STXBP5: variants seen among roughly 807,000 people sequenced by gnomAD.
STXBP5 encodes syntaxin-binding protein 5.
Under a neutral mutation model 152.4 loss-of-function variants are expected in STXBP5, and 50 were observed. The observed-to-expected ratio is 0.33, with a 90% CI of 0.26 to 0.42. The LOEUF (loss-of-function observed/expected upper bound fraction) is 0.42, where lower values mean the gene tolerates loss of function less well. Ranked by LOEUF, STXBP5 falls within the 10% of genes least tolerant of loss-of-function variation. The pLI is 1.00. For missense variants in STXBP5, 1,167 were observed against 1,388.6 expected (o/e 0.84, Z 2.54); for synonymous variants, 492 against 494.7 (o/e 0.99, Z 0.07).
rs1301419055 is a variant in STXBP5 at position 147,384,935 on chromosome 6, A to C, written c.*180A>C. 3.1e-6 allele frequency: 2 copies of C among 637,068 alleles called. No homozygotes were observed. The highest frequency in any genetic ancestry group is 5.6e-6 in the Non-Finnish European group (2 of 357,226). 39.5% of individuals were successfully genotyped at this position (637,068 alleles called of 1,614,324 possible). ...CTTTAACTGAGGAGTGTTCACACGC[A>C]CTCGAAATGGAGTATATGGTGTGTG... On this transcript the variant is annotated 3_prime_UTR_variant, in exon 28 of 28. Transcript: ENST00000321680.
intron 2 of STXBP5, among the ~76,000 whole-genome samples, chr6:147,233,789 T>C (rs1260913122): frequency 6.6e-6 from 1 of 151,254 alleles, no homozygotes; most frequent in East Asian, 1.9e-4. Flanking sequence ...TCTAGTTTCC[T>C]GCAGTTGTAT....
rs189746073 is a variant in STXBP5 at position 147,379,072 on chromosome 6, A to C, written c.3194-3706A>C. Among the ~76,000 whole-genome samples, 5 of 150,236 alleles carry C rather than the reference A, an allele frequency of 3.3e-5. No individual in the cohort carries two copies. In the East Asian group the frequency reaches 9.8e-4, roughly 30 times the overall value. On this transcript the variant is annotated intron_variant, in intron 26 of 27. Coordinates refer to ENST00000321680, the MANE Select transcript of STXBP5 (RefSeq NM_001127715.4). Reference sequence around the variant, plus strand: ...AAGGCCAACAACCTTGCATATCTCTATTTTTCTGAAGCCACATCTGTCTGC... The same window carrying C: ...AAGGCCAACAACCTTGCATATCTCTCTTTTTCTGAAGCCACATCTGTCTGC...
rs61153710 is a variant in STXBP5 at position 147,273,195 on chromosome 6, TA to T, written c.715-4873del. On this transcript the variant is annotated intron_variant, in intron 7 of 27. Coordinates refer to ENST00000321680, the MANE Select transcript of STXBP5 (RefSeq NM_001127715.4). ...TAGCAAGACCCTGCCTCTAAAAAAG[TA>T]AAAAAAAAAAAATTAGCTAGGCCTG... 1.6e-3 allele frequency among the ~76,000 whole-genome samples: 206 copies of T among 129,162 alleles called. 4 individuals carry two copies. The highest frequency in any genetic ancestry group is 5.2e-3 in the Admixed American group (66 of 12,630). The allele number at this position is 129,162 out of a possible 152,430, so 84.7% of individuals were successfully genotyped here. A position where few individuals can be genotyped will look rare whatever the true frequency, so the allele number is the denominator to read the frequency against.
At chr6:147,324,264 GTTTTTTTTTTT>G (rs1179573055) in intron 16 of STXBP5, among the ~76,000 whole-genome samples, 898 of 58,046 alleles carry the variant, frequency 0.015, 20 homozygotes, top group African/African-American at 0.066. Context: ...TTTTTTTTTG[GTTTTTTTTTTT>G]TTTTTTTTTT....
At chr6:147,269,062 T>C (rs971962407) in intron 7 of STXBP5, among the ~76,000 whole-genome samples, 1 of 152,180 alleles carries the variant, frequency 6.6e-6, no homozygotes, top group African/African-American at 2.4e-5. Context: ...AAGAGAGTTG[T>C]AGAAGTCTAC....
chr6:147,344,994 A>T (rs1476180735), intron 21 of STXBP5, among the ~76,000 whole-genome samples: 1 of 152,210 alleles, frequency 6.6e-6, no homozygotes, highest in Non-Finnish European at 1.5e-5. Context: ...TCAAGTGTTT[A>T]CTAGACAAGT....
In STXBP5 at chr6:147,379,101, C is replaced by T. The variant is rs535837166; in HGVS notation, c.3194-3677C>T. 5.5e-5 allele frequency among the ~76,000 whole-genome samples: 5 copies of T among 91,146 alleles called. 1 individual carries two copies. The highest frequency in any genetic ancestry group is 3.7e-4 in the African/African-American group (5 of 13,390). 59.8% of individuals were successfully genotyped at this position (91,146 alleles called of 152,430 possible). A position where few individuals can be genotyped will look rare whatever the true frequency, so the allele number is the denominator to read the frequency against. ...TTCTGAAGCCACATCTGTCTGCCCA[C>T]AGCTGGAAAAAAAAAAAACTCTTTG... On this transcript the variant is annotated intron_variant, in intron 26 of 27. Transcript: ENST00000321680.
chr6:147,229,124 T>A (rs1053436177), intron 2 of STXBP5, among the ~76,000 whole-genome samples: 4 of 152,078 alleles, frequency 2.6e-5, no homozygotes, highest in Non-Finnish European at 5.9e-5. Context: ...TGTTTTTTTC[T>A]CCTCCTGTGC....
chr6:147,356,922 T>C (rs1342517622), intron 22 of STXBP5, among the ~76,000 whole-genome samples: 4 of 152,174 alleles, frequency 2.6e-5, no homozygotes, highest in Admixed American at 6.6e-5. Flanking sequence ...ACTGAGAATT[T>C]TAATAAATCC....
chr6:147,360,012 A>T (rs1001353362), intron 23 of STXBP5, among the ~76,000 whole-genome samples: 17 of 152,244 alleles, frequency 1.1e-4, no homozygotes, highest in Non-Finnish European at 2.5e-4. Flanking sequence ...TTCTCAAAGG[A>T]AGACATTTAT....
chr6:147,222,972 T>G (rs1028967008), intron 2 of STXBP5, among the ~76,000 whole-genome samples: 1 of 152,248 alleles, frequency 6.6e-6, no homozygotes, highest in African/African-American at 2.4e-5. Context: ...TTCAGCAAGT[T>G]GTGATTCTCT....
chr6:147,259,781 C>CT (rs533852092), intron 4 of STXBP5, among the ~76,000 whole-genome samples: 150 of 146,464 alleles, frequency 1.0e-3, no homozygotes, highest in African/African-American at 1.9e-3. Context: ...CACAAGATAC[C>CT]TTTTTTTTTT....
intron 26 of STXBP5, among the ~76,000 whole-genome samples, chr6:147,374,301 T>C (rs544536979): frequency 6.6e-6 from 1 of 152,356 alleles, no homozygotes; most frequent in African/African-American, 2.4e-5. Context: ...AAATAGTTTG[T>C]CCTTGAATGA....
chr6:147,345,818 TTTG>T (rs1784299733), intron 21 of STXBP5, among the ~76,000 whole-genome samples: 1 of 152,166 alleles, frequency 6.6e-6, no homozygotes, highest in Non-Finnish European at 1.5e-5. Flanking sequence ...TCATACATCT[TTTG>T]TTGGTATTGA....
chr6:147,351,251 T>A (rs1347421237), intron 21 of STXBP5, among the ~76,000 whole-genome samples: 1 of 152,214 alleles, frequency 6.6e-6, no homozygotes, highest in African/African-American at 2.4e-5. Flanking sequence ...AAGATCTCCA[T>A]GTGACTGGTG....
rs371659042 is a variant in STXBP5 at position 147,204,892 on chromosome 6, C to G, written c.150+210C>G. Among the ~76,000 whole-genome samples the G allele has an allele frequency of 5.9e-5, 9 of 152,132 alleles. No homozygotes were observed. Among genetic ancestry groups the G allele is most frequent in the African/African-American group, 2.2e-4 (9 of 41,418 alleles). The stretch of plus-strand genomic sequence containing the variant: ...ACCTTACTCCTTTTCATTGATTTTT[C>G]TCTCTCCCCTTTGCACATGCAGCAA... On this transcript the variant is annotated intron_variant, in intron 1 of 27. Transcript: ENST00000321680. This position sits in a 1 kb window ranked among gnomAD's most constrained non-coding sequence, Gnocchi z 4.3.
At position 147,280,282 on chromosome 6, in the gene STXBP5, A is replaced by G. The variant is rs537842883; in HGVS notation, c.838+2078A>G. 2.6e-5 allele frequency among the ~76,000 whole-genome samples: 4 copies of G among 152,234 alleles called. No homozygotes were observed. In the East Asian group the frequency reaches 7.7e-4, roughly 29 times the overall value. ...TGGTTTTGTCTCATGTTTATTCATGATGAGATTTAGGTTGCACGTTTTTGG... is the reference window on the plus strand; with the variant it reads ...TGGTTTTGTCTCATGTTTATTCATGGTGAGATTTAGGTTGCACGTTTTTGG... On this transcript the variant is annotated intron_variant, in intron 8 of 27. Coordinates refer to ENST00000321680, the MANE Select transcript of STXBP5 (RefSeq NM_001127715.4).
intron 4 of STXBP5, among the ~76,000 whole-genome samples, chr6:147,241,404 A>G (rs185667158): frequency 3.3e-4 from 50 of 152,324 alleles, no homozygotes; most frequent in African/African-American, 1.2e-3. Context: ...CATGTGGAAT[A>G]GTTTCACTGA....
chr6:147,257,946 G>A (rs1779454240), intron 4 of STXBP5, among the ~76,000 whole-genome samples: 1 of 152,182 alleles, frequency 6.6e-6, no homozygotes, highest in African/African-American at 2.4e-5. Flanking sequence ...TGCACGACTA[G>A]GTTGGATGAT....
Sources: allele counts gnomAD v4.1 joint callset (sites outside exome capture counted in the v4.1 genomes callset), GRCh38; gene constraint gnomAD v4.1.1; non-coding constraint Gnocchi (gnomAD v3.1); transcripts MANE v1.5; gene names NCBI Gene and HGNC (gene_info 2026-07-23, HGNC 2026-07-21).